The following ABCG2 variants were observed in gnomAD, a reference collection of about 807,000 sequenced individuals.
The protein encoded by ABCG2 is broad substrate specificity ATP-binding cassette transporter ABCG2.
A neutral mutation model predicts 73.5 loss-of-function variants in ABCG2; 80 were observed. The ratio of observed to expected loss-of-function variants is 1.09; its 90% confidence interval spans 0.91 to 1.31. The LOEUF is 1.31. Ranked by LOEUF, ABCG2 falls within the 50% of genes most tolerant of loss-of-function variation. The probability of loss-of-function intolerance (pLI) is 0.00; values close to 1 mark genes in which losing one functional copy is unlikely to be tolerated. For synonymous variants in ABCG2, 269 were observed against 282.4 expected, an observed-to-expected ratio of 0.95 and a Z score of 0.48; for missense variants, 796 against 786.2, an observed-to-expected ratio of 1.01 and a Z score of -0.15.
intron 1 of ABCG2, among the ~76,000 whole-genome samples, chr4:88,215,666 A>C (rs1729783674): frequency 6.6e-6 from 1 of 152,244 alleles, no homozygotes; most frequent in Admixed American, 6.5e-5. Flanking sequence ...GTTAGGGACA[A>C]CATGGTGCAA....
rs2110189066 is a variant in ABCG2 at position 88,101,407 on chromosome 4, CA to C, written c.1278-89del. Reference sequence around the variant, plus strand: ...CCCACAAAACTCTTTCCACAAATGACAGTGTATAAAGTTAAGCAGGAAAAAA... The same window carrying C: ...CCCACAAAACTCTTTCCACAAATGACGTGTATAAAGTTAAGCAGGAAAAAA... On this transcript the variant is annotated intron_variant, in intron 10 of 15. Transcript: ENST00000237612. 4.2e-6 allele frequency: 5 copies of C among 1,197,076 alleles called. No homozygotes were observed. In the South Asian group the frequency reaches 6.3e-5, roughly 15 times the overall value. The allele number at this position is 1,197,076 out of a possible 1,614,324, so 74.2% of individuals were successfully genotyped here.
intron 1 of ABCG2, chr4:88,201,706 CT>C (rs1404850075): frequency 6.6e-6 from 1 of 152,172 alleles, no homozygotes; most frequent in African/African-American, 2.4e-5. Context: ...AATATCTGTG[CT>C]TGCTTTGAGA....
chr4:88,182,523 CA>C (rs565280709), intron 1 of ABCG2, among the ~76,000 whole-genome samples: 7 of 150,020 alleles, frequency 4.7e-5, no homozygotes, highest in East Asian at 3.9e-4. Context: ...TTTAAAAATT[CA>C]AAAAAAAATC....
intron 1 of ABCG2, among the ~76,000 whole-genome samples, chr4:88,187,219 G>A (rs1349910046): frequency 1.3e-5 from 2 of 151,342 alleles, no homozygotes; most frequent in Non-Finnish European, 2.9e-5. Context: ...ATAAGATCTA[G>A]TATTTGATAG....
At position 88,115,621 on chromosome 4, in the gene ABCG2, CA is replaced by C. The variant is rs34465562; in HGVS notation, c.842-564del. ...TTTCGGCAATTCTTTGTCTCTGGGC[CA>C]AAAAAAAAAAAAAAAAGAAAGAAAA... On this transcript the variant is annotated intron_variant, in intron 7 of 15. Transcript: ENST00000237612. Among the ~76,000 whole-genome samples the C allele has an allele frequency of 3.1e-3, 335 of 107,896 alleles. 1 individual carries two copies. The highest frequency in any genetic ancestry group is 0.017 in the South Asian group (52 of 3,142). The allele number at this position is 107,896 out of a possible 152,430, so 70.8% of individuals were successfully genotyped here.
In ABCG2 at chr4:88,228,041, T is replaced by C. The variant is rs562750452; in HGVS notation, c.-20+2953A>G. Among the ~76,000 whole-genome samples, 4 of 152,322 alleles carry C rather than the reference T, an allele frequency of 2.6e-5. No homozygotes were observed. In the East Asian group the frequency reaches 7.7e-4, roughly 29 times the overall value. ...GAAATTACAATCTCCTTGACCCATA[T>C]ACTCCAGGAAGGTTGTGAAAAATCA... On this transcript the variant is annotated intron_variant, in intron 1 of 15. Coordinates refer to the ABCG2 transcript ENST00000515655.
intron 10 of ABCG2, among the ~76,000 whole-genome samples, chr4:88,103,046 T>C (rs1040010633): frequency 2.6e-5 from 4 of 152,204 alleles, no homozygotes; most frequent in Non-Finnish European, 4.4e-5. Context: ...CCCAAAGTGC[T>C]GCAGTTACAA....
At position 88,151,013 on chromosome 4, in the gene ABCG2, C is replaced by T. The variant is rs569501785; in HGVS notation, c.-20+7373G>A. Among the ~76,000 whole-genome samples the T allele has an allele frequency of 5.3e-5, 8 of 152,298 alleles. No individual in the cohort carries two copies. In the South Asian group the frequency reaches 1.7e-3, roughly 32 times the overall value. On this transcript the variant is annotated intron_variant, in intron 1 of 15. Coordinates refer to ENST00000237612, the MANE Select transcript of ABCG2 (RefSeq NM_004827.3). ...GGAAAACAAGGTCAAAAATAAATGA[C>T]AGTGGTTCAGCTTCAGGCCCACAGG...
At chr4:88,180,772 A>T (rs182943335) in intron 1 of ABCG2, among the ~76,000 whole-genome samples, 191 of 152,174 alleles carry the variant, frequency 1.3e-3, no homozygotes, top group Non-Finnish European at 2.4e-3. Context: ...GGTATAATAA[A>T]TAAGGAAAAA....
intron 1 of ABCG2, among the ~76,000 whole-genome samples, chr4:88,166,289 G>A (rs889214675): frequency 2.6e-5 from 4 of 152,090 alleles, no homozygotes; most frequent in Admixed American, 6.6e-5. Context: ...TTGCATAACC[G>A]AACATAATCA....
chr4:88,161,831 C>G (rs1727331370), upstream of ABCG2, among the ~76,000 whole-genome samples: 1 of 113,768 alleles, frequency 8.8e-6, no homozygotes. Context: ...TCTCCAGCAC[C>G]TGTTGTTTCC....
chr4:88,211,363 A>ACCCC (rs34198736), intron 1 of ABCG2, among the ~76,000 whole-genome samples: 4 of 47,554 alleles, frequency 8.4e-5, no homozygotes, highest in East Asian at 6.5e-4. Context: ...CCCCTGCCCC[A>ACCCC]CCCCCCCCCA....
chr4:88,225,999 A>G (rs529912572), intron 1 of ABCG2, among the ~76,000 whole-genome samples: 231 of 152,248 alleles, frequency 1.5e-3, no homozygotes, highest in African/African-American at 5.3e-3. Flanking sequence ...CCATGATTCA[A>G]TTATCTCCCA....
intron 2 of ABCG2, among the ~76,000 whole-genome samples, chr4:88,137,505 G>GA (rs1361865533): frequency 6.6e-6 from 1 of 152,168 alleles, no homozygotes; most frequent in Non-Finnish European, 1.5e-5. Flanking sequence ...GATGAGATAA[G>GA]AAAATACCAC....
At chr4:88,168,259 C>T (rs911456168) in intron 1 of ABCG2, among the ~76,000 whole-genome samples, 5 of 152,036 alleles carry the variant, frequency 3.3e-5, no homozygotes, top group African/African-American at 4.8e-5. Context: ...GAGGCTGAAG[C>T]GGGTGGATCA....
At chr4:88,136,042 T>C (rs1725223680) in intron 2 of ABCG2, among the ~76,000 whole-genome samples, 1 of 152,064 alleles carries the variant, frequency 6.6e-6, no homozygotes, top group Admixed American at 6.6e-5. Context: ...CAGATGAGAA[T>C]TGGAGAAATT....
At chr4:88,209,883 A>G (rs1218063286) in intron 1 of ABCG2, among the ~76,000 whole-genome samples, 1 of 152,204 alleles carries the variant, frequency 6.6e-6, no homozygotes, top group Non-Finnish European at 1.5e-5. Flanking sequence ...GATAACCTAA[A>G]GATAAAACTA....
chr4:88,188,675 C>A (rs184998355), intron 1 of ABCG2, among the ~76,000 whole-genome samples: 1 of 152,086 alleles, frequency 6.6e-6, no homozygotes, highest in African/African-American at 2.4e-5. Context: ...GATAGGATTG[C>A]GTTGAATCTG....
At chr4:88,215,068 G>A (rs1463091692) in intron 1 of ABCG2, among the ~76,000 whole-genome samples, 2 of 152,064 alleles carry the variant, frequency 1.3e-5, no homozygotes, top group Non-Finnish European at 2.9e-5. Context: ...CTCCAGCCTG[G>A]GTGACAGAAT....
Sources: allele counts gnomAD v4.1 joint callset (sites outside exome capture counted in the v4.1 genomes callset), GRCh38; gene constraint gnomAD v4.1.1; transcripts MANE v1.5; gene names NCBI Gene and HGNC (gene_info 2026-07-23, HGNC 2026-07-21).